MROH7: variants seen among roughly 807,000 people sequenced by gnomAD.
MROH7 encodes the protein maestro heat-like repeat-containing protein family member 7.
MROH7 carries 113 observed loss-of-function variants against 129.2 expected under a neutral mutation model. The ratio of observed to expected loss-of-function variants is 0.87; its 90% CI spans 0.75 to 1.02. MROH7 has a LOEUF of 1.02. Among genes scored for constraint, MROH7 ranks in the 50% least tolerant of loss-of-function variants. MROH7 has a pLI of 0.00. For synonymous variants in MROH7, 655 were observed against 667.9 expected (o/e 0.98, Z 0.30); for missense variants, 1,601 against 1,671.3 (o/e 0.96, Z 0.73).
rs549374085 is a variant in MROH7, at chr1:54,700,417, C to G, written c.3061C>G (p.Leu1021Val). Residue 1021 changes from leucine (L) to valine (V), a missense_variant, in exon 18 of 24, where the codon CTG becomes GTG. Coordinates refer to ENST00000421030, the MANE Select transcript of MROH7 (RefSeq NM_001039464.4). ...LSHHDPIMKVLSIRGLVILAR... is the reference protein window; with the variant it reads ...LSHHDPIMKVVSIRGLVILAR... ...CCACCACGACCCCATCATGAAGGTGCTGTCCATTCGAGGCCTGGTCATCCT... is the reference window on the plus strand; with the variant it reads ...CCACCACGACCCCATCATGAAGGTGGTGTCCATTCGAGGCCTGGTCATCCT... The G allele has an allele frequency of 1.2e-6, 2 of 1,612,228 alleles. No homozygotes were observed. The highest frequency in any genetic ancestry group is 2.2e-5 in the South Asian group (2 of 90,640).
At chr1:54,660,834 G>GA (rs1161884883) in intron 3 of MROH7, among the ~76,000 whole-genome samples, 2 of 151,432 alleles carry the variant, frequency 1.3e-5, no homozygotes, top group South Asian at 2.1e-4. Flanking sequence ...AAAGAAAAAA[G>GA]AAAAAAAAGA....
At chr1:54,673,059 C>A (rs780091582) in intron 7 of MROH7, 32 bp from the exon 8 acceptor site, 15 of 1,549,834 alleles carry the variant, frequency 9.7e-6, no homozygotes, top group East Asian at 2.2e-5. Context: ...TCCAGAGGTG[C>A]CTTAGTGGCT....
chr1:54,670,979 G>T, intron 7 of MROH7, 50 bp downstream of exon 7: 1 of 1,538,566 alleles, frequency 6.5e-7, no homozygotes, highest in South Asian at 1.2e-5. Flanking sequence ...CATGTTCTGG[G>T]AGGAGATATG....
intron 17 of MROH7, chr1:54,697,871 T>C: frequency 1.9e-6 from 1 of 519,368 alleles, no homozygotes; most frequent in Non-Finnish European, 3.4e-6. Context: ...TGCCAGACCT[T>C]ATGGGGCATT....
intron 3 of MROH7, chr1:54,663,648 A>C (rs1436522456): frequency 2.7e-6 from 1 of 369,616 alleles, no homozygotes; most frequent in Admixed American, 3.7e-5. Context: ...TGCTGGGATT[A>C]CTGGCGTGAG....
chr1:54,652,887 G>T lies in MROH7; in HGVS notation c.-40G>T. The T allele has an allele frequency of 6.6e-7, 1 of 1,525,620 alleles. No individual in the cohort carries two copies. The highest frequency in any genetic ancestry group is 1.3e-5 in the South Asian group (1 of 75,910). 94.5% of individuals were successfully genotyped at this position (1,525,620 alleles called of 1,614,324 possible). The stretch of plus-strand genomic sequence containing the variant: ...GGGAATGTGACAGTTGGCTGTTGGA[G>T]AGAAGCGGGCACTGGCATTGAGAGA... On this transcript the variant is annotated 5_prime_UTR_variant, in exon 3 of 24. Coordinates refer to ENST00000421030, the MANE Select transcript of MROH7 (RefSeq NM_001039464.4).
intron 6 of MROH7, 73 bp from the exon 7 acceptor site, chr1:54,670,727 T>C (rs1290697833): frequency 1.4e-6 from 2 of 1,431,416 alleles, no homozygotes; most frequent in African/African-American, 3.2e-5. Flanking sequence ...CCTGTGCTCC[T>C]CAGCTCAGCC....
Position 54,702,075 on chromosome 1 carries a change from T to A in MROH7, c.3286-15T>A. ...CCAGAGGAGGGACCCCCTCTGAGCC[T>A]TTGGTCTTCCCCAGGCACGAGAGGT... On this transcript the variant is annotated splice_polypyrimidine_tract_variant and intron_variant, in intron 19 of 23. Coordinates refer to ENST00000421030, the MANE Select transcript of MROH7 (RefSeq NM_001039464.4). The A allele has an allele frequency of 6.3e-7, 1 of 1,577,634 alleles. No individual in the cohort carries two copies. Among genetic ancestry groups the A allele is most frequent in the South Asian group, 1.2e-5 (1 of 85,446 alleles).
chr1:54,659,086 G>T (rs977601061), intron 3 of MROH7: 31 of 435,540 alleles, frequency 7.1e-5, no homozygotes, highest in Middle Eastern at 7.2e-4. Flanking sequence ...TGGTTTTTTT[G>T]TTTGTTTGTT....
In MROH7 at chr1:54,710,018, T is replaced by C; in HGVS notation, c.3803T>C (p.Leu1268Pro). 6.2e-7 allele frequency: 1 copy of C among 1,614,162 alleles called. No homozygotes were observed. Among genetic ancestry groups the C allele is most frequent in the Non-Finnish European group, 8.5e-7 (1 of 1,180,030 alleles). Residue 1268 changes from leucine (L) to proline (P), a missense_variant, in exon 24 of 24, where the codon CTG becomes CCG. Leu to Pro is a moderately conservative substitution (Grantham distance 98). Coordinates refer to ENST00000421030, the MANE Select transcript of MROH7 (RefSeq NM_001039464.4). ...IYAAQVQDHI[L>P]ASCWQNSWLP... ...GCAGCCCAGGTCCAGGACCACATCC[T>C]GGCCAGCTGCTGGCAGAACTCCTGG...
Position 54,695,415 on chromosome 1 carries a change from C to A in MROH7, c.2889C>A (p.Ile963=). 1 of 1,613,724 alleles carries A rather than the reference C, an allele frequency of 6.2e-7. No individual in the cohort carries two copies. Residue 963 remains isoleucine, a synonymous_variant, in exon 17 of 24, where the codon ATC becomes ATA. Transcript: ENST00000421030. ...VQYSCQELCR[I]LYLLIPLLER... ...ACTCCTGCCAGGAGCTGTGCCGCATCCTCTACCTGCTCATCCCGCTCCTGG... is the reference window on the plus strand; with the variant it reads ...ACTCCTGCCAGGAGCTGTGCCGCATACTCTACCTGCTCATCCCGCTCCTGG...
At chr1:54,673,047 G>A (rs953295008) in intron 7 of MROH7, 44 bp from the exon 8 acceptor site, 34 of 1,481,818 alleles carry the variant, frequency 2.3e-5, no homozygotes, top group Admixed American at 5.1e-5. Flanking sequence ...GCTGGTGTCC[G>A]CTCCAGAGGT....
Position 54,679,295 on chromosome 1 carries a change from A to G in MROH7, c.2082A>G (p.Ile694Met), listed in dbSNP as rs181242692. The G allele has an allele frequency of 2.0e-4, 320 of 1,614,180 alleles. 1 individual carries two copies. In the African/African-American group the frequency reaches 3.8e-3, roughly 19 times the overall value. Residue 694 changes from isoleucine (I) to methionine (M), a missense_variant, in exon 12 of 24, where the codon ATA becomes ATG. Transcript: ENST00000421030. ...EFGDFLGPQQ[I>M]KDLLLAALEG... ...GAGACTTCCTGGGGCCCCAGCAGAT[A>G]AAGGACCTGCTGCTGGCCGCCCTGG... is the stretch of plus-strand genomic sequence containing the variant.
intron 17 of MROH7, chr1:54,699,159 T>TTTCTTTCTTTCTTTTCTTTCTTTCTTTC (rs71048705): frequency 2.7e-4 from 18 of 65,968 alleles, no homozygotes; most frequent in African/African-American, 6.2e-4. Flanking sequence ...TCTTTCTTTC[T>TTTCTTTCTTTCTTTTCTTTCTTTCTTTC]TTTCTTTCTT....
chr1:54,673,959 A>G, intron 9 of MROH7, 57 bp from the exon 10 acceptor site: 1 of 1,590,838 alleles, frequency 6.3e-7, no homozygotes, highest in Admixed American at 1.7e-5. Flanking sequence ...TTCACCATTT[A>G]ATGTATAGCA....
At chr1:54,664,776 G>T (rs1002640124) in intron 3 of MROH7, among the ~76,000 whole-genome samples, 1 of 152,214 alleles carries the variant, frequency 6.6e-6, no homozygotes, top group Non-Finnish European at 1.5e-5. Context: ...ACTTTGGGAG[G>T]CTGAGACGAG....
chr1:54,709,522 T>A (rs984728815), intron 23 of MROH7, among the ~76,000 whole-genome samples: 2 of 152,050 alleles, frequency 1.3e-5, no homozygotes, highest in African/African-American at 4.8e-5. Context: ...CTGGCCAATT[T>A]TACTAGTTTT....
At chr1:54,696,434 A>G (rs1645323346) in intron 17 of MROH7, among the ~76,000 whole-genome samples, 1 of 152,174 alleles carries the variant, frequency 6.6e-6, no homozygotes, top group South Asian at 2.1e-4. Context: ...GAACTTTCGT[A>G]TCTTTCACTA....
rs201016026 is a variant in MROH7, at chr1:54,694,633, A to AT, written c.2850-735dup. 5.4e-3 allele frequency among the ~76,000 whole-genome samples: 814 copies of AT among 151,826 alleles called. 5 individuals carry two copies. The highest frequency in any genetic ancestry group is 0.018 in the African/African-American group (730 of 41,424). Reference sequence around the variant, plus strand: ...AGGCATGCGCCACCACACCCAGTCAATTTTTTTTGTATTTTTAGTAGAGAC... The same window carrying AT: ...AGGCATGCGCCACCACACCCAGTCAATTTTTTTTTGTATTTTTAGTAGAGAC... On this transcript the variant is annotated intron_variant, in intron 16 of 23. Coordinates refer to ENST00000421030, the MANE Select transcript of MROH7 (RefSeq NM_001039464.4).
Sources: gnomAD v4.1 joint callset for allele counts (sites outside exome capture counted in the v4.1 genomes callset) on GRCh38, gnomAD v4.1.1 for gene constraint, MANE v1.5 for transcripts, NCBI Gene and HGNC (gene_info 2026-07-23, HGNC 2026-07-21) for gene names.